DRAM1: variants seen among roughly 807,000 people sequenced by gnomAD.
DRAM1 encodes the protein DNA damage regulated autophagy modulator 1, also known as DNA damage-regulated autophagy modulator protein 1.
A neutral mutation model predicts 28.5 loss-of-function variants in DRAM1; 25 were observed. The observed-to-expected ratio is 0.88, with a 90% confidence interval of 0.64 to 1.23. The LOEUF (loss-of-function observed/expected upper bound fraction) is 1.23, where lower values mean the gene tolerates loss of function less well. Ranked by LOEUF, DRAM1 falls within the 50% of genes most tolerant of loss-of-function variation. The pLI, the probability that DRAM1 is intolerant of heterozygous loss-of-function variation, is 0.00. For synonymous variants in DRAM1, 113 were observed against 114.2 expected, an observed-to-expected ratio of 0.99 and a Z score of 0.07; for missense variants, 249 against 299.2, an observed-to-expected ratio of 0.83 and a Z score of 1.24.
At chr12:101,914,485 CTT>C (rs553791665) in intron 5 of DRAM1, among the ~76,000 whole-genome samples, 31 of 137,392 alleles carry the variant, frequency 2.3e-4, no homozygotes, top group Non-Finnish European at 2.0e-4. Context: ...TCTTCTTCTT[CTT>C]TTTTTTTTTT....
At chr12:101,917,566 G>A (rs1297534145) in intron 5 of DRAM1, among the ~76,000 whole-genome samples, 1 of 151,730 alleles carries the variant, frequency 6.6e-6, no homozygotes, top group Non-Finnish European at 1.5e-5. Flanking sequence ...CACACCTGTA[G>A]TCCCAGCTAC....
chr12:101,884,500 C>A (rs1872811345), intron 1 of DRAM1, among the ~76,000 whole-genome samples: 1 of 151,934 alleles, frequency 6.6e-6, no homozygotes, highest in Admixed American at 6.6e-5. Context: ...TGTCTTCCAT[C>A]TTCTTTTTGG....
rs1015580580 is a variant in DRAM1 at position 101,877,658 on chromosome 12, C to T, written c.-132C>T. The T allele has an allele frequency of 9.9e-5, 60 of 604,672 alleles. No individual in the cohort carries two copies. Among genetic ancestry groups the T allele is most frequent in the Non-Finnish European group, 1.3e-4 (56 of 428,156 alleles). The allele number at this position is 604,672 out of a possible 1,614,324, so 37.5% of individuals were successfully genotyped here. A position where few individuals can be genotyped will look rare whatever the true frequency, so the allele number is the denominator to read the frequency against. Reference sequence around the variant, plus strand: ...CCCTCCCTCCGGGGCTGGGCCTGCCCCGGCCGTCGCGGAGCCTCCCCTCCC... The same window carrying T: ...CCCTCCCTCCGGGGCTGGGCCTGCCTCGGCCGTCGCGGAGCCTCCCCTCCC... On this transcript the variant is annotated 5_prime_UTR_variant, in exon 1 of 7. Coordinates refer to ENST00000258534, the MANE Select transcript of DRAM1 (RefSeq NM_018370.3). The surrounding 1 kb of genome is among the most constrained non-coding windows in gnomAD (Gnocchi z 4.1).
chr12:101,908,416 C>T (rs1873906739), intron 4 of DRAM1, 53 bp downstream of exon 4: 3 of 1,544,740 alleles, frequency 1.9e-6, no homozygotes, highest in Non-Finnish European at 8.8e-7. Context: ...TTCAGTGACA[C>T]TTGTTAAAGA....
chr12:101,915,875 G>A (rs546424654), intron 5 of DRAM1, among the ~76,000 whole-genome samples: 9 of 152,140 alleles, frequency 5.9e-5, no homozygotes, highest in East Asian at 1.9e-4. Flanking sequence ...ACTTTCGAAC[G>A]GTAAAGCAAA....
intron 5 of DRAM1, among the ~76,000 whole-genome samples, chr12:101,917,363 G>A (rs1874286637): frequency 6.6e-6 from 1 of 152,176 alleles, no homozygotes; most frequent in Admixed American, 6.5e-5. Context: ...AGAAGATGGT[G>A]AGGAAGAGAA....
chr12:101,919,305 C>T (rs61936585), intron 5 of DRAM1, among the ~76,000 whole-genome samples: 34,927 of 151,024 alleles, frequency 0.23, 5,301 homozygotes, highest in African/African-American at 0.44. Flanking sequence ...CACACACACA[C>T]GGTTTTGTTT....
intron 1 of DRAM1, among the ~76,000 whole-genome samples, chr12:101,883,914 A>G (rs1872780556): frequency 6.7e-6 from 1 of 149,668 alleles, no homozygotes; most frequent in Non-Finnish European, 1.5e-5. Context: ...CAGCCTGGTG[A>G]TAGAGCGAGA....
chr12:101,895,800 G>C (rs1378583318), intron 1 of DRAM1, among the ~76,000 whole-genome samples: 2 of 151,998 alleles, frequency 1.3e-5, no homozygotes, highest in Admixed American at 6.6e-5. Flanking sequence ...TTGAACTCCT[G>C]ACCTCGTGAT....
At chr12:101,907,215 A>AAAAT (rs1873851874) in intron 3 of DRAM1, among the ~76,000 whole-genome samples, 1 of 140,312 alleles carries the variant, frequency 7.1e-6, no homozygotes, top group Non-Finnish European at 1.5e-5. Context: ...AAAAAAAAAA[A>AAAAT]AAAGAAGAAA....
chr12:101,905,318 G>A (rs900919123), intron 3 of DRAM1, among the ~76,000 whole-genome samples: 1 of 152,072 alleles, frequency 6.6e-6, no homozygotes, highest in African/African-American at 2.4e-5. Flanking sequence ...GTCTTGATCT[G>A]TTGCTCAGGC....
chr12:101,886,918 G>A (rs529590290), intron 1 of DRAM1, among the ~76,000 whole-genome samples: 10 of 152,258 alleles, frequency 6.6e-5, no homozygotes, highest in African/African-American at 2.4e-4. Context: ...GGCTGAGGTG[G>A]GCGGATCACT....
At chr12:101,903,724 T>C (rs1219882344) in intron 3 of DRAM1, among the ~76,000 whole-genome samples, 1 of 152,140 alleles carries the variant, frequency 6.6e-6, no homozygotes, top group East Asian at 1.9e-4. Flanking sequence ...AGGTGATTGA[T>C]ATGTTAATTA....
chr12:101,914,465 C>A (rs1874157455), intron 5 of DRAM1, among the ~76,000 whole-genome samples: 1 of 150,294 alleles, frequency 6.7e-6, no homozygotes, highest in African/African-American at 2.5e-5. Context: ...TTCCTAATTT[C>A]TTTCTTTCTT....
intron 1 of DRAM1, among the ~76,000 whole-genome samples, chr12:101,887,663 T>A (rs996172647): frequency 3.3e-5 from 5 of 152,046 alleles, no homozygotes; most frequent in African/African-American, 1.2e-4. Flanking sequence ...CCTGAGTAGC[T>A]GGGACTACAG....
At chr12:101,920,053 T>C (rs890633023) in intron 5 of DRAM1, 56 bp from the exon 6 acceptor site, 1 of 1,238,802 alleles carries the variant, frequency 8.1e-7, no homozygotes, top group African/African-American at 1.5e-5. Context: ...TATTTCAGTA[T>C]GTACATTAAA....
intron 4 of DRAM1, among the ~76,000 whole-genome samples, chr12:101,912,377 G>A (rs1276035168): frequency 6.6e-6 from 1 of 152,002 alleles, no homozygotes; most frequent in African/African-American, 2.4e-5. Flanking sequence ...AGTCATTGCT[G>A]TACCCAGTTC....
At chr12:101,916,653 G>A (rs1037675319) in intron 5 of DRAM1, among the ~76,000 whole-genome samples, 1 of 152,140 alleles carries the variant, frequency 6.6e-6, no homozygotes, top group African/African-American at 2.4e-5. Flanking sequence ...GTTAGTGAGA[G>A]ACAGAGGATT....
At chr12:101,908,120 G>C (rs61936573) in intron 3 of DRAM1, 66 bp from the exon 4 acceptor site, 150,168 of 1,393,932 alleles carry the variant, frequency 0.11, 8,773 homozygotes, top group Middle Eastern at 0.17. Flanking sequence ...CCCAGAGTGA[G>C]AGTGCTTGCG....
Sources: allele counts gnomAD v4.1 joint callset (sites outside exome capture counted in the v4.1 genomes callset), GRCh38; gene constraint gnomAD v4.1.1; non-coding constraint Gnocchi (gnomAD v3.1); transcripts MANE v1.5; gene names NCBI Gene and HGNC (gene_info 2026-07-23, HGNC 2026-07-21).